The following MCTP1 variants were observed in gnomAD, a reference collection of about 807,000 sequenced individuals.
MCTP1 encodes multiple C2 and transmembrane domain-containing protein 1.
MCTP1 carries 69 observed loss-of-function variants against 120.6 expected under a neutral mutation model. The ratio of observed to expected loss-of-function variants is 0.57; its 90% CI spans 0.47 to 0.70. MCTP1 has a LOEUF of 0.70. Among genes scored for constraint, MCTP1 ranks in the 30% least tolerant of loss-of-function variants. The pLI, the probability that MCTP1 is intolerant of heterozygous loss-of-function variation, is 0.00. For synonymous variants in MCTP1, 529 were observed against 493.1 expected (o/e 1.07, Z -0.96); for missense variants, 1,203 against 1,248.8 (o/e 0.96, Z 0.55).
At chr5:95,282,459 C>T (rs1287407007) in intron 1 of MCTP1, among the ~76,000 whole-genome samples, 1 of 152,120 alleles carries the variant, frequency 6.6e-6, no homozygotes, top group East Asian at 1.9e-4. Context: ...AATTCTTCTA[C>T]ATTAGGATTA....
intron 19 of MCTP1, among the ~76,000 whole-genome samples, chr5:94,759,532 A>T (rs1453043745): frequency 6.6e-6 from 1 of 152,258 alleles, no homozygotes; most frequent in Non-Finnish European, 1.5e-5. Context: ...AGTAACATTA[A>T]AAAGGGTTAC....
chr5:94,966,881 T>C (rs1825747940), intron 2 of MCTP1, among the ~76,000 whole-genome samples: 1 of 152,160 alleles, frequency 6.6e-6, no homozygotes, highest in Non-Finnish European at 1.5e-5. Flanking sequence ...GTGCTTTTTC[T>C]TGCACATGAT....
intron 2 of MCTP1, among the ~76,000 whole-genome samples, chr5:94,963,354 A>AT (rs754461255): frequency 0.018 from 2,437 of 136,770 alleles, 49 homozygotes; most frequent in African/African-American, 0.04. Context: ...TTGTAATTCT[A>AT]TTTTTTTTTT....
At chr5:95,114,564 C>T (rs888300935) in intron 1 of MCTP1, among the ~76,000 whole-genome samples, 1 of 152,230 alleles carries the variant, frequency 6.6e-6, no homozygotes, top group African/African-American at 2.4e-5. Flanking sequence ...TGAGGCTCCT[C>T]TGCCTGTGGA....
At chr5:94,740,954 T>G (rs542144185) in intron 19 of MCTP1, among the ~76,000 whole-genome samples, 17 of 152,230 alleles carry the variant, frequency 1.1e-4, no homozygotes, top group Admixed American at 1.0e-3. Context: ...AATTATTGCA[T>G]GAAGATGAGA....
intron 1 of MCTP1, among the ~76,000 whole-genome samples, chr5:95,143,110 T>C (rs1393430773): frequency 4.6e-5 from 7 of 152,222 alleles, no homozygotes; most frequent in Non-Finnish European, 7.3e-5. Context: ...CCATGTATTA[T>C]AGGCATTCCT....
At chr5:95,256,562 G>A (rs895555632) in intron 1 of MCTP1, among the ~76,000 whole-genome samples, 3 of 152,212 alleles carry the variant, frequency 2.0e-5, no homozygotes, top group African/African-American at 7.2e-5. Context: ...GTGACGTCCT[G>A]CTGTTGCCAA....
intron 9 of MCTP1, among the ~76,000 whole-genome samples, 192 bp from the exon 10 acceptor site, chr5:94,909,573 T>C (rs559799743): frequency 6.6e-5 from 10 of 152,218 alleles, no homozygotes; most frequent in African/African-American, 2.2e-4. Context: ...AGTACATGAA[T>C]GGACCTCAAT....
At chr5:94,950,854 G>A (rs773598354) in intron 3 of MCTP1, among the ~76,000 whole-genome samples, 5 of 151,686 alleles carry the variant, frequency 3.3e-5, no homozygotes, top group Non-Finnish European at 5.9e-5. Context: ...CTCAGAGGCA[G>A]GAGAAAGGCG....
intron 1 of MCTP1, among the ~76,000 whole-genome samples, chr5:95,143,819 A>G (rs1172632893): frequency 6.6e-6 from 1 of 152,150 alleles, no homozygotes; most frequent in African/African-American, 2.4e-5. Flanking sequence ...TAGGCACCTA[A>G]GTTGATTCCA....
At chr5:94,826,377 C>T (rs1218568044) in intron 17 of MCTP1, 2 of 595,268 alleles carry the variant, frequency 3.4e-6, no homozygotes, top group East Asian at 7.1e-5. Context: ...GCTGCAACAG[C>T]TTTCAGACCT....
intron 10 of MCTP1, among the ~76,000 whole-genome samples, chr5:94,908,272 C>G (rs537248732): frequency 1.4e-4 from 22 of 152,010 alleles, no homozygotes; most frequent in African/African-American, 5.3e-4. Context: ...GTTTTCCAAG[C>G]TCACTTTACA....
chr5:95,214,283 A>T (rs1399310919), intron 1 of MCTP1, among the ~76,000 whole-genome samples: 1 of 152,172 alleles, frequency 6.6e-6, no homozygotes, highest in African/African-American at 2.4e-5. Context: ...ATCTCTGGCC[A>T]TCAGAGAAAT....
At chr5:95,171,945 C>T (rs190272015) in intron 1 of MCTP1, among the ~76,000 whole-genome samples, 148 of 152,286 alleles carry the variant, frequency 9.7e-4, no homozygotes, top group Non-Finnish European at 1.7e-3. Flanking sequence ...TGTTCCATTG[C>T]TGGAGAGGAG....
chr5:95,156,032 T>C (rs1185407505), intron 1 of MCTP1, among the ~76,000 whole-genome samples: 2 of 152,132 alleles, frequency 1.3e-5, no homozygotes, highest in Non-Finnish European at 2.9e-5. Context: ...TGGCCAACAG[T>C]CAGCAAGAAA....
chr5:95,239,751 G>A (rs966288956), intron 1 of MCTP1, among the ~76,000 whole-genome samples: 5 of 152,168 alleles, frequency 3.3e-5, no homozygotes, highest in African/African-American at 7.2e-5. Flanking sequence ...GGAAAGAGGT[G>A]AGGGTCACTT....
At chr5:95,166,297 C>T (rs1159482096) in intron 1 of MCTP1, 4 of 152,116 alleles carry the variant, frequency 2.6e-5, no homozygotes, top group Non-Finnish European at 5.9e-5. Flanking sequence ...GCTTTGAGTT[C>T]TCCAATCAAG....
At chr5:94,854,775 C>A (rs940282551) in intron 17 of MCTP1, among the ~76,000 whole-genome samples, 5 of 151,860 alleles carry the variant, frequency 3.3e-5, no homozygotes, top group African/African-American at 1.2e-4. Context: ...AAGCTTAAAT[C>A]AAATTCTTAT....
intron 1 of MCTP1, chr5:95,081,622 C>A (rs1254780068): frequency 4.4e-6 from 6 of 1,369,128 alleles, no homozygotes; most frequent in Non-Finnish European, 5.7e-6. Context: ...GCACTTGCTG[C>A]TCTGCACAGC....
Sources: allele counts gnomAD v4.1 joint callset (sites outside exome capture counted in the v4.1 genomes callset), GRCh38; gene constraint gnomAD v4.1.1; transcripts MANE v1.5; gene names NCBI Gene and HGNC (gene_info 2026-07-23, HGNC 2026-07-21).